Variants in MARCHF8 observed in about 807,000 individuals in gnomAD.
MARCHF8 encodes the protein E3 ubiquitin-protein ligase MARCHF8.
MARCHF8 carries 40 observed loss-of-function variants against 51.6 expected under a neutral mutation model. That is an observed-to-expected ratio of 0.77 (90% CI 0.60 to 1.01). The LOEUF is 1.01. MARCHF8 is among the 50% of genes least tolerant of loss of function. The pLI is 0.00. For missense variants in MARCHF8, 685 were observed against 708.6 expected, an observed-to-expected ratio of 0.97 and a Z score of 0.38; for synonymous variants, 263 against 280.3, an observed-to-expected ratio of 0.94 and a Z score of 0.62.
intron 2 of MARCHF8, among the ~76,000 whole-genome samples, chr10:45,491,637 G>A (rs1239465097): frequency 2.0e-5 from 3 of 152,206 alleles, no homozygotes; most frequent in African/African-American, 7.2e-5. Context: ...CCTCTGTCCA[G>A]AGAACAAGTA....
chr10:45,458,172 C>T lies in MARCHF8; in HGVS notation c.*67G>A. The T allele has an allele frequency of 6.8e-7, 1 of 1,473,082 alleles. No homozygotes were observed. The highest frequency in any genetic ancestry group is 9.2e-7 in the Non-Finnish European group (1 of 1,088,994). 91.3% of individuals were successfully genotyped at this position (1,473,082 alleles called of 1,614,324 possible). A position where few individuals can be genotyped will look rare whatever the true frequency, so the allele number is the denominator to read the frequency against. Reference sequence around the variant, plus strand: ...TATTAAAGGACATAAGAAAGGTATACAATTGGCAGTAAACAATTTCCTTCA... The same window carrying T: ...TATTAAAGGACATAAGAAAGGTATATAATTGGCAGTAAACAATTTCCTTCA... On this transcript the variant is annotated 3_prime_UTR_variant, in exon 8 of 8. Coordinates refer to ENST00000453424, the MANE Select transcript of MARCHF8 (RefSeq NM_001282866.2).
intron 5 of MARCHF8, 130 bp downstream of exon 5, chr10:45,463,021 G>C (rs1842843070): frequency 1.6e-6 from 2 of 1,214,626 alleles, no homozygotes; most frequent in Admixed American, 2.9e-5. Context: ...TTCTTCTGGA[G>C]AAAACCATCA....
At chr10:45,511,966 C>A (rs919154289) in intron 2 of MARCHF8, among the ~76,000 whole-genome samples, 1 of 150,992 alleles carries the variant, frequency 6.6e-6, no homozygotes, top group African/African-American at 2.4e-5. Context: ...AAGTGAGGAG[C>A]GTCTCTGCCC....
At chr10:45,544,128 T>G (rs1344608445) in intron 1 of MARCHF8, among the ~76,000 whole-genome samples, 1 of 152,030 alleles carries the variant, frequency 6.6e-6, no homozygotes, top group East Asian at 1.9e-4. Flanking sequence ...GAAAAGATGC[T>G]AAAAATTAAA....
chr10:45,479,664 C>A (rs1327207165), intron 3 of MARCHF8, among the ~76,000 whole-genome samples: 1 of 152,200 alleles, frequency 6.6e-6, no homozygotes, highest in Non-Finnish European at 1.5e-5. Flanking sequence ...CCCTTGTCTG[C>A]CGCCATGTAA....
chr10:45,527,591 A>G (rs1589151996), intron 2 of MARCHF8, among the ~76,000 whole-genome samples: 1 of 152,110 alleles, frequency 6.6e-6, no homozygotes, highest in African/African-American at 2.4e-5. Context: ...ACCAATAACC[A>G]GTAAGACTTA....
At chr10:45,500,314 T>C (rs1032165174) in intron 2 of MARCHF8, among the ~76,000 whole-genome samples, 1 of 152,182 alleles carries the variant, frequency 6.6e-6, no homozygotes, top group Non-Finnish European at 1.5e-5. Context: ...TCATTTAGTC[T>C]GATTTTTTGT....
intron 3 of MARCHF8, among the ~76,000 whole-genome samples, chr10:45,473,170 T>C (rs977066814): frequency 2.0e-5 from 3 of 152,188 alleles, no homozygotes; most frequent in Non-Finnish European, 4.4e-5. Context: ...ATCTCATCCC[T>C]GTCTAATGGC....
At chr10:45,469,200 G>C (rs185348448) in intron 3 of MARCHF8, among the ~76,000 whole-genome samples, 37 of 152,218 alleles carry the variant, frequency 2.4e-4, no homozygotes, top group African/African-American at 7.9e-4. Flanking sequence ...CTGTGCTGGT[G>C]CTGCACAGAC....
intron 2 of MARCHF8, among the ~76,000 whole-genome samples, chr10:45,509,570 T>A (rs980220844): frequency 6.6e-6 from 1 of 152,224 alleles, no homozygotes; most frequent in Non-Finnish European, 1.5e-5. Context: ...GCAACTAAAC[T>A]CACATTTGAA....
rs533427365 is a variant in MARCHF8, at chr10:45,515,544, A to C, written c.102+17566T>G. Among the ~76,000 whole-genome samples, 3 of 152,212 alleles carry C rather than the reference A, an allele frequency of 2.0e-5. No homozygotes were observed. In the South Asian group the frequency reaches 6.2e-4, roughly 32 times the overall value. ...TCACTTCTGAACTTATGTTTTATAAACTTCTAGTTCCTATTATACTATTCC... is the reference window on the plus strand; with the variant it reads ...TCACTTCTGAACTTATGTTTTATAACCTTCTAGTTCCTATTATACTATTCC... On this transcript the variant is annotated intron_variant, in intron 2 of 7. Coordinates refer to ENST00000453424, the MANE Select transcript of MARCHF8 (RefSeq NM_001282866.2).
Position 45,578,087 on chromosome 10 carries a change from C to T in MARCHF8, c.-79+16148G>A, listed in dbSNP as rs1365186282. 2.0e-5 allele frequency among the ~76,000 whole-genome samples: 3 copies of T among 152,256 alleles called. No individual in the cohort carries two copies. In the East Asian group the frequency reaches 5.8e-4, roughly 29 times the overall value. ...ATATATCTATTTACACACAAACAAACATATCCTAGCTGTGGCCACTGAGTA... is the reference window on the plus strand; with the variant it reads ...ATATATCTATTTACACACAAACAAATATATCCTAGCTGTGGCCACTGAGTA... On this transcript the variant is annotated intron_variant, in intron 1 of 6. Transcript: ENST00000319836.
At chr10:45,571,366 T>C (rs556716871) in intron 1 of MARCHF8, among the ~76,000 whole-genome samples, 2 of 152,150 alleles carry the variant, frequency 1.3e-5, no homozygotes, top group African/African-American at 2.4e-5. Flanking sequence ...ACTGAGCACC[T>C]TGTGACCCCG....
At chr10:45,474,017 C>T (rs910807150) in intron 3 of MARCHF8, among the ~76,000 whole-genome samples, 7 of 152,298 alleles carry the variant, frequency 4.6e-5, no homozygotes, top group Non-Finnish European at 1.0e-4. Flanking sequence ...CTGTAATTCT[C>T]TACCTAAGCT....
intron 3 of MARCHF8, among the ~76,000 whole-genome samples, chr10:45,473,401 G>C (rs1435147167): frequency 1.3e-5 from 2 of 152,250 alleles, no homozygotes; most frequent in Non-Finnish European, 2.9e-5. Flanking sequence ...TGGCTAGGGG[G>C]CTGGCAGAGA....
At chr10:45,594,503 G>C (rs994181242) in exon 1 of MARCHF8, 1 of 152,296 alleles carries the variant, frequency 6.6e-6, no homozygotes, top group Admixed American at 6.5e-5. Context: ...GCAGACGCGA[G>C]CACCGGGGCA....
chr10:45,582,494 G>A (rs1378126796), intron 1 of MARCHF8, among the ~76,000 whole-genome samples: 2 of 152,054 alleles, frequency 1.3e-5, no homozygotes, highest in African/African-American at 4.8e-5. Flanking sequence ...GATTAAACAG[G>A]AGACCAAAAA....
intron 6 of MARCHF8, chr10:45,459,683 A>ACACAC: frequency 1.0e-6 from 1 of 983,954 alleles, no homozygotes; most frequent in Non-Finnish European, 1.2e-6. Context: ...TGATGCCACA[A>ACACAC]CACACTAGCA....
chr10:45,509,027 G>A (rs1169390895), intron 2 of MARCHF8, among the ~76,000 whole-genome samples: 1 of 152,088 alleles, frequency 6.6e-6, no homozygotes, highest in South Asian at 2.1e-4. Flanking sequence ...GTTTCCCTCA[G>A]AGCCTTTTCA....
Sources: allele counts gnomAD v4.1 joint callset (sites outside exome capture counted in the v4.1 genomes callset), GRCh38; gene constraint gnomAD v4.1.1; transcripts MANE v1.5; gene names NCBI Gene and HGNC (gene_info 2026-07-23, HGNC 2026-07-21).